ZFPM2: variants seen among roughly 807,000 people sequenced by gnomAD.
ZFPM2 encodes zinc finger protein, FOG family member 2.
ZFPM2 carries 20 observed loss-of-function variants against 98.6 expected under a neutral mutation model. The observed-to-expected ratio is 0.20, with a 90% CI of 0.14 to 0.29. The LOEUF (loss-of-function observed/expected upper bound fraction) is 0.29. ZFPM2 is among the 10% of genes least tolerant of loss of function. ZFPM2 has a pLI of 1.00. For missense variants in ZFPM2, 1,310 were observed against 1,388.6 expected (o/e 0.94, Z 0.90); for synonymous variants, 518 against 502.7 (o/e 1.03, Z -0.41).
chr8:105,766,157 A>G (rs1392694405), intron 5 of ZFPM2, among the ~76,000 whole-genome samples: 1 of 151,940 alleles, frequency 6.6e-6, no homozygotes, highest in Non-Finnish European at 1.5e-5. Context: ...TCTAAGCTGT[A>G]GATAGAAATT....
chr8:105,369,267 G>T (rs1370986008), intron 1 of ZFPM2, among the ~76,000 whole-genome samples: 1 of 152,078 alleles, frequency 6.6e-6, no homozygotes, highest in African/African-American at 2.4e-5. Context: ...TTATCCTGAC[G>T]TGAATTATAT....
intron 6 of ZFPM2, among the ~76,000 whole-genome samples, chr8:105,790,030 T>A (rs898751002): frequency 2.0e-5 from 3 of 151,878 alleles, no homozygotes; most frequent in African/African-American, 7.3e-5. Context: ...TCCCATTTTG[T>A]AGGTTGCCTG....
In ZFPM2 at chr8:105,506,210, T is replaced by C. The variant is rs1356880377; in HGVS notation, c.302-55153T>C. Among the ~76,000 whole-genome samples the C allele has an allele frequency of 5.9e-5, 9 of 152,294 alleles. No homozygotes were observed. In the East Asian group the frequency reaches 1.5e-3, roughly 26 times the overall value. ...CATCATTTGGTCACAGATTTGTAAA[T>C]ATATCAATTCTGTGCTGAGAGAAGG... On this transcript the variant is annotated intron_variant, in intron 3 of 7. Coordinates refer to ENST00000407775, the MANE Select transcript of ZFPM2 (RefSeq NM_012082.4).
At chr8:105,711,348 A>G (rs1186399171) in intron 5 of ZFPM2, among the ~76,000 whole-genome samples, 1 of 152,094 alleles carries the variant, frequency 6.6e-6, no homozygotes, top group Non-Finnish European at 1.5e-5. Flanking sequence ...TTCCCAATGC[A>G]TAGTTTGCCC....
chr8:105,347,816 A>G (rs1445588453), intron 1 of ZFPM2, among the ~76,000 whole-genome samples: 1 of 152,098 alleles, frequency 6.6e-6, no homozygotes, highest in Non-Finnish European at 1.5e-5. Flanking sequence ...TCATTTTTGG[A>G]TTAGAGAAAC....
chr8:105,781,763 A>C (rs1199166644), intron 5 of ZFPM2, among the ~76,000 whole-genome samples: 1 of 152,124 alleles, frequency 6.6e-6, no homozygotes, highest in Non-Finnish European at 1.5e-5. Flanking sequence ...TCCACATCAC[A>C]CATAAATTTT....
intron 3 of ZFPM2, among the ~76,000 whole-genome samples, chr8:105,512,554 C>G (rs571194507): frequency 1.1e-4 from 17 of 152,128 alleles, no homozygotes; most frequent in Admixed American, 6.5e-5. Context: ...GGTATACATT[C>G]CTTTTTATGC....
intron 2 of ZFPM2, among the ~76,000 whole-genome samples, chr8:105,436,829 A>G (rs1812129225): frequency 6.6e-6 from 1 of 152,216 alleles, no homozygotes; most frequent in Non-Finnish European, 1.5e-5. Context: ...GCATTTAGCA[A>G]TATACCTAGT....
intron 4 of ZFPM2, among the ~76,000 whole-genome samples, chr8:105,633,242 T>C (rs62528595): frequency 0.065 from 9,930 of 152,264 alleles, 338 homozygotes; most frequent in Admixed American, 0.096. Context: ...GGCTGAGATC[T>C]CTTTGGCAGG....
chr8:105,448,527 G>T (rs1218444998), intron 3 of ZFPM2, among the ~76,000 whole-genome samples: 4 of 151,792 alleles, frequency 2.6e-5, no homozygotes, highest in African/African-American at 9.7e-5. Flanking sequence ...TCATTTTTTT[G>T]ATGTCATTTC....
intron 5 of ZFPM2, among the ~76,000 whole-genome samples, chr8:105,719,351 A>G (rs565939920): frequency 1.3e-5 from 2 of 151,996 alleles, no homozygotes; most frequent in Non-Finnish European, 2.9e-5. Context: ...TACACACGCA[A>G]TACACACACA....
At chr8:105,499,634 T>C (rs1813547847) in intron 3 of ZFPM2, among the ~76,000 whole-genome samples, 1 of 152,188 alleles carries the variant, frequency 6.6e-6, no homozygotes, top group Non-Finnish European at 1.5e-5. Context: ...TTTTCTTTCA[T>C]ATCCCACAGA....
At position 105,746,654 on chromosome 8, in the gene ZFPM2, AATTTTT is replaced by A. The variant is rs1311492580; in HGVS notation, c.533-42063_533-42058del. Among the ~76,000 whole-genome samples, 6 of 112,016 alleles carry A rather than the reference AATTTTT, an allele frequency of 5.4e-5. 1 individual carries two copies. The highest frequency in any genetic ancestry group is 1.3e-4 in the African/African-American group (4 of 31,250). The allele number at this position is 112,016 out of a possible 152,430, so 73.5% of individuals were successfully genotyped here. On this transcript the variant is annotated intron_variant, in intron 5 of 7. Coordinates refer to ENST00000407775, the MANE Select transcript of ZFPM2 (RefSeq NM_012082.4). ...TGCGTTTTCTTGTTCTGTTTTTAAA[AATTTTT>A]TTTTTTTTTTTTTTTTTGGTGAATT... is the stretch of plus-strand genomic sequence containing the variant.
chr8:105,622,851 A>G (rs1286601599), intron 4 of ZFPM2, among the ~76,000 whole-genome samples: 2 of 152,010 alleles, frequency 1.3e-5, no homozygotes, highest in African/African-American at 4.8e-5. Flanking sequence ...ACTGAAAACC[A>G]CTCTTATGGT....
chr8:105,484,780 G>A (rs1813196195), intron 3 of ZFPM2, among the ~76,000 whole-genome samples: 1 of 152,192 alleles, frequency 6.6e-6, no homozygotes, highest in Non-Finnish European at 1.5e-5. Context: ...ATTTGGGGTT[G>A]TGAGCTTTTC....
intron 3 of ZFPM2, among the ~76,000 whole-genome samples, chr8:105,535,256 A>G (rs1313098846): frequency 1.3e-5 from 2 of 152,198 alleles, no homozygotes; most frequent in Non-Finnish European, 2.9e-5. Context: ...TCTGTGTAGC[A>G]TACATACAGA....
chr8:105,639,221 G>C (rs749346758), intron 5 of ZFPM2, among the ~76,000 whole-genome samples: 10 of 152,026 alleles, frequency 6.6e-5, no homozygotes, highest in Non-Finnish European at 1.2e-4. Context: ...CGTTTGCAAA[G>C]TATGGTGACC....
intron 5 of ZFPM2, among the ~76,000 whole-genome samples, chr8:105,661,698 T>C (rs1326655704): frequency 6.6e-6 from 1 of 151,938 alleles, no homozygotes; most frequent in Non-Finnish European, 1.5e-5. Flanking sequence ...TTTTTTTCCA[T>C]GGCTGGACTA....
intron 1 of ZFPM2, among the ~76,000 whole-genome samples, chr8:105,392,476 A>G (rs1348163775): frequency 1.3e-5 from 2 of 152,204 alleles, no homozygotes; most frequent in Non-Finnish European, 2.9e-5. Flanking sequence ...CGTAGCACAT[A>G]TACTTGTAAA....
Sources: allele counts gnomAD v4.1 joint callset (sites outside exome capture counted in the v4.1 genomes callset), GRCh38; gene constraint gnomAD v4.1.1; transcripts MANE v1.5; gene names NCBI Gene and HGNC (gene_info 2026-07-23, HGNC 2026-07-21).